VPS41: variants seen among roughly 807,000 people sequenced by gnomAD.
VPS41 encodes VPS41 subunit of HOPS complex, also known as vacuolar protein sorting-associated protein 41 homolog.
A neutral mutation model predicts 130.9 loss-of-function variants in VPS41; 85 were observed. That is an observed-to-expected ratio of 0.65 (90% confidence interval 0.55 to 0.78). The LOEUF (loss-of-function observed/expected upper bound fraction) is 0.78. VPS41 is among the 30% of genes least tolerant of loss of function. VPS41 has a pLI of 0.00. For missense variants in VPS41, 874 were observed against 1,018.7 expected (o/e 0.86, Z 1.93); for synonymous variants, 335 against 332.9 (o/e 1.01, Z -0.07).
chr7:38,757,335 G>A (rs183911731), intron 18 of VPS41, among the ~76,000 whole-genome samples: 9 of 152,224 alleles, frequency 5.9e-5, no homozygotes, highest in South Asian at 4.2e-4. Context: ...AGAAACATCC[G>A]TTCCAATTCT....
chr7:38,902,912 C>A (rs1005681282), intron 1 of VPS41, among the ~76,000 whole-genome samples: 2 of 152,212 alleles, frequency 1.3e-5, no homozygotes, highest in African/African-American at 4.8e-5. Context: ...CCTACAAGTT[C>A]TCATTTTAAA....
chr7:38,775,640 T>C (rs949825092), intron 11 of VPS41: 1 of 152,132 alleles, frequency 6.6e-6, no homozygotes, highest in Admixed American at 6.6e-5. Context: ...TTGATTTTAG[T>C]AGGTCTGAGT....
At chr7:38,847,569 C>G (rs1785754350) in intron 4 of VPS41, among the ~76,000 whole-genome samples, 1 of 152,166 alleles carries the variant, frequency 6.6e-6, no homozygotes, top group Non-Finnish European at 1.5e-5. Context: ...TTAGGCTACC[C>G]TAATCCTAAG....
intron 2 of VPS41, among the ~76,000 whole-genome samples, chr7:38,878,790 T>C (rs1207120516): frequency 1.3e-5 from 2 of 152,202 alleles, no homozygotes; most frequent in Admixed American, 6.5e-5. Context: ...GAGCTAAGAA[T>C]GAAGAGCCAC....
chr7:38,830,045 A>T (rs898705420), intron 5 of VPS41, among the ~76,000 whole-genome samples: 1 of 152,258 alleles, frequency 6.6e-6, no homozygotes, highest in African/African-American at 2.4e-5. Context: ...AATACTAGTT[A>T]CATTATTGAC....
rs1305988723 is a variant in VPS41, at chr7:38,772,527, A to G, written c.1123T>C (p.Tyr375His). Reference sequence around the variant, plus strand: ...AGAAGTAAAATCAAGGGTACTTCATATTTCTTCTTTTCAAGGAGCCAGTCA... The same window carrying G: ...AGAAGTAAAATCAAGGGTACTTCATGTTTCTTCTTTTCAAGGAGCCAGTCA... Reference protein sequence around the residue: ...HIDWLLEKKKYEEALMAAEIS... With the variant: ...HIDWLLEKKKHEEALMAAEIS... Residue 375 changes from tyrosine (Y) to histidine (H), a missense_variant, in exon 13 of 29, where the codon TAT becomes CAT. Coordinates refer to ENST00000310301, the MANE Select transcript of VPS41 (RefSeq NM_014396.4). 6.2e-7 allele frequency: 1 copy of G among 1,604,078 alleles called. No individual in the cohort carries two copies. Among genetic ancestry groups the G allele is most frequent in the Admixed American group, 1.7e-5 (1 of 59,952 alleles).
In VPS41 at chr7:38,817,830, G is replaced by A; in HGVS notation, c.437C>T (p.Thr146Ile). The A allele has an allele frequency of 6.2e-7, 1 of 1,613,952 alleles. No individual in the cohort carries two copies. Among genetic ancestry groups the A allele is most frequent in the Non-Finnish European group, 8.5e-7 (1 of 1,179,910 alleles). Residue 146 changes from threonine (T) to isoleucine (I), a missense_variant, in exon 7 of 29, where the codon ACC (threonine) becomes ATC (isoleucine). Thr to Ile is a moderately conservative substitution (Grantham distance 89). Coordinates refer to ENST00000310301, the MANE Select transcript of VPS41 (RefSeq NM_014396.4). The stretch of plus-strand genomic sequence containing the variant: ...CACAGCACTTACCTTCTTCCCTCCG[G>A]TCACAAACTGCTTGCAACTGGATCT... The part of the protein sequence containing the change: ...FVRSSCKQFV[T>I]GGKKLLLFER...
chr7:38,807,989 G>A (rs927624308), intron 7 of VPS41, among the ~76,000 whole-genome samples: 7 of 152,184 alleles, frequency 4.6e-5, no homozygotes, highest in African/African-American at 1.4e-4. Flanking sequence ...TAACATCAGA[G>A]TTCAGGGGAA....
At chr7:38,902,142 C>T (rs1195265936) in intron 1 of VPS41, among the ~76,000 whole-genome samples, 1 of 152,150 alleles carries the variant, frequency 6.6e-6, no homozygotes. Flanking sequence ...GACATGTGGC[C>T]TCTCTAATGT....
At chr7:38,897,558 T>C (rs1787031686) in intron 2 of VPS41, among the ~76,000 whole-genome samples, 1 of 148,648 alleles carries the variant, frequency 6.7e-6, no homozygotes, top group African/African-American at 2.5e-5. Flanking sequence ...GGCAGGAGAA[T>C]GGTGTGAACC....
Position 38,795,579 on chromosome 7 carries a change from T to C in VPS41, c.603A>G (p.Gln201=), listed in dbSNP as rs1784603630. The change falls in exon 9 of 29, where the codon CAA becomes CAG. Residue 201 remains glutamine (Q), a synonymous_variant. Transcript: ENST00000310301. ...CATCCCGGGGCACATTGGTGATTCT[T>C]TGCTTTGAGATGATGTCAAAAATCT... ...GVKIFDIISK[Q]RITNVPRDDI... 2.5e-6 allele frequency: 4 copies of C among 1,612,538 alleles called. No homozygotes were observed. The highest frequency in any genetic ancestry group is 2.5e-6 in the Non-Finnish European group (3 of 1,179,096).
chr7:38,885,271 C>T (rs6462872), intron 2 of VPS41, among the ~76,000 whole-genome samples: 33,828 of 151,926 alleles, frequency 0.22, 4,068 homozygotes, highest in South Asian at 0.45. Context: ...GACGGGGTTT[C>T]ACCGTATTAG....
intron 2 of VPS41, among the ~76,000 whole-genome samples, chr7:38,882,086 C>A (rs1786621541): frequency 6.6e-6 from 1 of 152,082 alleles, no homozygotes; most frequent in Non-Finnish European, 1.5e-5. Flanking sequence ...GGTATTTTGC[C>A]AACTCAATCT....
At position 38,763,533 on chromosome 7, in the gene VPS41, A is replaced by G. The variant is rs146233477; in HGVS notation, c.1344T>C (p.Tyr448=). The change falls in exon 17 of 29, where the codon TAT becomes TAC. Residue 448 remains tyrosine (Y), a synonymous_variant. Transcript: ENST00000310301. ...TCAGAACTGGATCACCTCTTGGCAA[A>G]TAAGGACTAATAGCCTAGGTAAGGA... is the stretch of plus-strand genomic sequence containing the variant. ...EIGQLKAISP[Y]LPRGDPVLKP... is the part of the protein sequence containing the mutation. 40 of 1,603,386 alleles carry G rather than the reference A, an allele frequency of 2.5e-5. No homozygotes were observed. The African/African-American group carries it at 5.0e-4, about 20-fold the overall frequency.
At chr7:38,796,718 T>C (rs1337905635) in intron 8 of VPS41, 27 bp downstream of exon 8, 1 of 1,612,996 alleles carries the variant, frequency 6.2e-7, no homozygotes, top group Non-Finnish European at 8.5e-7. Context: ...TGAACAAGCA[T>C]TAGGAAGACA....
chr7:38,761,553 A>G (rs1174229511), intron 17 of VPS41, among the ~76,000 whole-genome samples: 3 of 151,252 alleles, frequency 2.0e-5, no homozygotes, highest in African/African-American at 7.3e-5. Context: ...ACAGCCTCCC[A>G]AAGTGCTGGG....
At chr7:38,812,056 G>T (rs1164238179) in intron 7 of VPS41, among the ~76,000 whole-genome samples, 2 of 152,022 alleles carry the variant, frequency 1.3e-5, no homozygotes, top group African/African-American at 4.8e-5. Flanking sequence ...ATGCATTTTT[G>T]ACTTAACAAT....
At chr7:38,887,697 C>T (rs1381179099) in intron 2 of VPS41, among the ~76,000 whole-genome samples, 2 of 151,968 alleles carry the variant, frequency 1.3e-5, no homozygotes, top group South Asian at 2.1e-4. Flanking sequence ...AGATACTCCT[C>T]GAGAAGAGCA....
At chr7:38,831,215 C>A (rs1311750149) in intron 4 of VPS41, 2 of 471,012 alleles carry the variant, frequency 4.2e-6, no homozygotes, top group African/African-American at 2.0e-5. Flanking sequence ...ACTGCACCTA[C>A]CTCTGATTGT....
Sources: gnomAD v4.1 joint callset for allele counts (sites outside exome capture counted in the v4.1 genomes callset) on GRCh38, gnomAD v4.1.1 for gene constraint, MANE v1.5 for transcripts, NCBI Gene and HGNC (gene_info 2026-07-23, HGNC 2026-07-21) for gene names.